Variants in GHR observed in about 807,000 individuals in gnomAD.
GHR encodes growth hormone receptor.
Under a neutral mutation model 67.1 loss-of-function variants are expected in GHR, and 35 were observed. The ratio of observed to expected loss-of-function variants is 0.52; its 90% CI spans 0.40 to 0.69. GHR has a LOEUF of 0.69. GHR is among the 30% of genes least tolerant of loss of function. The probability of loss-of-function intolerance (pLI) is 0.00; values close to 1 mark genes in which losing one functional copy is unlikely to be tolerated. For missense variants in GHR, 792 were observed against 764.6 expected, an observed-to-expected ratio of 1.04 and a Z score of -0.42; for synonymous variants, 272 against 269.1, an observed-to-expected ratio of 1.01 and a Z score of -0.10.
chr5:42,661,660 G>A (rs1755634022), intron 3 of GHR, among the ~76,000 whole-genome samples: 1 of 151,304 alleles, frequency 6.6e-6, no homozygotes, highest in Admixed American at 6.6e-5. Context: ...ATGCCAAATT[G>A]TAAAGACCAT....
At chr5:42,428,635 C>T (rs1290990597) in intron 1 of GHR, among the ~76,000 whole-genome samples, 1 of 152,100 alleles carries the variant, frequency 6.6e-6, no homozygotes, top group African/African-American at 2.4e-5. Flanking sequence ...ATTTCTTCTG[C>T]CAGATACCCT....
chr5:42,631,780 G>T (rs1753941553), intron 3 of GHR, among the ~76,000 whole-genome samples: 1 of 152,076 alleles, frequency 6.6e-6, no homozygotes, highest in African/African-American at 2.4e-5. Flanking sequence ...AAAGCCCCAT[G>T]GAAGAAAAAA....
At chr5:42,715,998 C>T (rs1758700911) in intron 8 of GHR, among the ~76,000 whole-genome samples, 1 of 152,120 alleles carries the variant, frequency 6.6e-6, no homozygotes, top group African/African-American at 2.4e-5. Flanking sequence ...ACTACAACCA[C>T]TAGAAAACCA....
rs201323291 is a variant in GHR, at chr5:42,639,945, G to A, written c.136+10842G>A. ...CAGAAATTACCTGAGAGCAATTGAA[G>A]AAGGGAAGTGTGGAGGGAGAGGTGT... On this transcript the variant is annotated intron_variant, in intron 3 of 9. Coordinates refer to ENST00000230882, the MANE Select transcript of GHR (RefSeq NM_000163.5). Among the ~76,000 whole-genome samples, 6 of 152,284 alleles carry A rather than the reference G, an allele frequency of 3.9e-5. No individual in the cohort carries two copies. In the East Asian group the frequency reaches 1.2e-3, roughly 29 times the overall value.
At chr5:42,576,114 A>AAAATAAAATAAAATAAAAT (rs1561135873) in intron 2 of GHR, among the ~76,000 whole-genome samples, 17 of 98,034 alleles carry the variant, frequency 1.7e-4, no homozygotes, top group Non-Finnish European at 3.0e-4. Context: ...AAAATAAAAT[A>AAAATAAAATAAAATAAAAT]AAATAAAATA....
chr5:42,660,996 G>C (rs1029625920), intron 3 of GHR, among the ~76,000 whole-genome samples: 1 of 152,234 alleles, frequency 6.6e-6, no homozygotes, highest in Non-Finnish European at 1.5e-5. Flanking sequence ...TCAGCTGGTA[G>C]AAATGGTATC....
At chr5:42,607,075 G>A (rs1752663838) in intron 2 of GHR, among the ~76,000 whole-genome samples, 1 of 152,052 alleles carries the variant, frequency 6.6e-6, no homozygotes, top group South Asian at 2.1e-4. Flanking sequence ...TTTTAAAGGT[G>A]TTTGGCAGTT....
intron 1 of GHR, chr5:42,514,119 G>C: frequency 1.0e-6 from 1 of 984,992 alleles, no homozygotes; most frequent in Non-Finnish European, 1.2e-6. Flanking sequence ...TGACCTTGAA[G>C]ACAAATGGCT....
intron 3 of GHR, among the ~76,000 whole-genome samples, chr5:42,663,592 T>C (rs1215995757): frequency 1.3e-5 from 2 of 152,132 alleles, no homozygotes; most frequent in Non-Finnish European, 2.9e-5. Flanking sequence ...ATGGGACATA[T>C]CTCAAAATAA....
intron 2 of GHR, among the ~76,000 whole-genome samples, chr5:42,605,412 G>A (rs951942155): frequency 6.6e-6 from 1 of 151,980 alleles, no homozygotes; most frequent in African/African-American, 2.4e-5. Context: ...GGCCTGGGGT[G>A]CCTCTTAAAC....
At chr5:42,554,131 C>T (rs2112431570) in intron 1 of GHR, among the ~76,000 whole-genome samples, 1 of 152,286 alleles carries the variant, frequency 6.6e-6, no homozygotes, top group South Asian at 2.1e-4. Flanking sequence ...AGTATCAATA[C>T]TCAGTCCCTA....
intron 3 of GHR, among the ~76,000 whole-genome samples, chr5:42,638,259 T>C (rs1754301704): frequency 1.3e-5 from 2 of 152,166 alleles, no homozygotes; most frequent in Non-Finnish European, 2.9e-5. Flanking sequence ...ATCAAGTTTG[T>C]ACTGGTTACC....
At chr5:42,610,058 A>G (rs1199855351) in intron 2 of GHR, among the ~76,000 whole-genome samples, 1 of 152,162 alleles carries the variant, frequency 6.6e-6, no homozygotes, top group Non-Finnish European at 1.5e-5. Context: ...GTGATATAGG[A>G]GTTACTCTTC....
Position 42,665,553 on chromosome 5 carries a change from A to G in GHR, c.137-23337A>G, listed in dbSNP as rs534697186. ...TAGGTGGGAATTGAACAATGAGAAC[A>G]CATGGACACAGGAAGGGGAACATCA... On this transcript the variant is annotated intron_variant, in intron 3 of 9. Transcript: ENST00000230882. Among the ~76,000 whole-genome samples the G allele has an allele frequency of 2.0e-5, 3 of 151,876 alleles. 1 individual carries two copies. The East Asian group carries it at 5.8e-4, about 30-fold the overall frequency.
Position 42,718,526 on chromosome 5 carries a change from A to G in GHR, c.1019A>G (p.Asp340Gly), listed in dbSNP as rs1758840025. The G allele has an allele frequency of 6.2e-7, 1 of 1,613,240 alleles. No individual in the cohort carries two copies. Residue 340 changes from aspartate to glycine, a missense_variant, in exon 10 of 10, where the codon GAC (aspartate) becomes GGC (glycine). Coordinates refer to ENST00000230882, the MANE Select transcript of GHR (RefSeq NM_000163.5). Reference sequence around the variant, plus strand: ...TATAAACCCGAATTCCACAGTGATGACTCTTGGGTTGAATTTATTGAGCTA... The same window carrying G: ...TATAAACCCGAATTCCACAGTGATGGCTCTTGGGTTGAATTTATTGAGCTA... ...DSYKPEFHSDDSWVEFIELDI... is the reference protein window; with the variant it reads ...DSYKPEFHSDGSWVEFIELDI...
intron 1 of GHR, chr5:42,466,015 T>C (rs1263903687): frequency 1.3e-5 from 7 of 554,092 alleles, no homozygotes; most frequent in South Asian, 2.2e-5. Context: ...CTTCTTTTTG[T>C]GTTTTTTATT....
intron 3 of GHR, among the ~76,000 whole-genome samples, chr5:42,682,236 G>A (rs1015691536): frequency 6.6e-6 from 1 of 152,120 alleles, no homozygotes; most frequent in African/African-American, 2.4e-5. Context: ...TTCACTTAGG[G>A]GCAAAGTTAG....
chr5:42,663,520 A>G (rs547428767), intron 3 of GHR, among the ~76,000 whole-genome samples: 1 of 152,340 alleles, frequency 6.6e-6, no homozygotes, highest in Non-Finnish European at 1.5e-5. Context: ...TAGATGCAGA[A>G]AAGTTCTTTG....
chr5:42,713,822 C>G (rs1758588282), intron 8 of GHR: 1 of 319,358 alleles, frequency 3.1e-6, no homozygotes, highest in African/African-American at 2.1e-5. Context: ...TAGCTCTTTC[C>G]CTCAAGTCCT....
Sources: gnomAD v4.1 joint callset for allele counts (sites outside exome capture counted in the v4.1 genomes callset) on GRCh38, gnomAD v4.1.1 for gene constraint, MANE v1.5 for transcripts, NCBI Gene and HGNC (gene_info 2026-07-23, HGNC 2026-07-21) for gene names.